The following HS3ST4 variants were observed in gnomAD, a reference collection of about 807,000 sequenced individuals.
The protein encoded by HS3ST4 is heparan sulfate-glucosamine 3-sulfotransferase 4, also known as heparan sulfate glucosamine 3-O-sulfotransferase 4.
HS3ST4 carries 17 observed loss-of-function variants against 29.2 expected under a neutral mutation model. The ratio of observed to expected loss-of-function variants is 0.58; its 90% CI spans 0.40 to 0.87. The LOEUF (loss-of-function observed/expected upper bound fraction) is 0.87, where lower values mean the gene tolerates loss of function less well. Ranked by LOEUF, HS3ST4 falls within the 40% of genes least tolerant of loss-of-function variation. HS3ST4 has a pLI of 0.00. For synonymous variants in HS3ST4, 314 were observed against 285.7 expected, an observed-to-expected ratio of 1.10 and a Z score of -1.00; for missense variants, 627 against 634.5, an observed-to-expected ratio of 0.99 and a Z score of 0.13.
intron 1 of HS3ST4, among the ~76,000 whole-genome samples, chr16:25,828,284 C>A (rs1967249488): frequency 1.1e-5 from 1 of 89,452 alleles, no homozygotes; most frequent in Non-Finnish European, 2.2e-5. Flanking sequence ...TTCTTTCTTT[C>A]TTTCTTTCTT....
intron 1 of HS3ST4, among the ~76,000 whole-genome samples, chr16:26,020,306 T>C (rs2141746286): frequency 6.6e-6 from 1 of 152,266 alleles, no homozygotes; most frequent in Middle Eastern, 3.4e-3. Flanking sequence ...GGGCCACAGC[T>C]CTTGCATCTA....
intron 1 of HS3ST4, among the ~76,000 whole-genome samples, chr16:25,787,497 C>T (rs1309334512): frequency 1.3e-5 from 2 of 152,226 alleles, no homozygotes; most frequent in African/African-American, 4.8e-5. Flanking sequence ...CTGCCTGACC[C>T]TTGTAGGGAT....
chr16:25,956,997 C>CAAAAAAA (rs11382105), intron 1 of HS3ST4, among the ~76,000 whole-genome samples: 1 of 77,824 alleles, frequency 1.3e-5, no homozygotes. Flanking sequence ...GACTCCGTCT[C>CAAAAAAA]AAAAAAAAAA....
At chr16:25,849,520 G>A (rs1211845788) in intron 1 of HS3ST4, among the ~76,000 whole-genome samples, 1 of 151,808 alleles carries the variant, frequency 6.6e-6, no homozygotes, top group Non-Finnish European at 1.5e-5. Flanking sequence ...TTATTTTTCA[G>A]ACAGGGGCTC....
chr16:25,943,401 C>T (rs2141693336), intron 1 of HS3ST4, among the ~76,000 whole-genome samples: 1 of 152,126 alleles, frequency 6.6e-6, no homozygotes, highest in African/African-American at 2.4e-5. Context: ...AGTGCTTAAC[C>T]ACTATGTAAA....
chr16:25,811,804 T>C (rs1256871393), intron 1 of HS3ST4, among the ~76,000 whole-genome samples: 1 of 152,236 alleles, frequency 6.6e-6, no homozygotes, highest in African/African-American at 2.4e-5. Flanking sequence ...CATACATGTG[T>C]TAATCAACCG....
chr16:25,815,676 A>C (rs1967086452), intron 1 of HS3ST4, among the ~76,000 whole-genome samples: 1 of 152,190 alleles, frequency 6.6e-6, no homozygotes, highest in Non-Finnish European at 1.5e-5. Context: ...GAACCCTCCT[A>C]GGGCCTTGGA....
intron 1 of HS3ST4, among the ~76,000 whole-genome samples, chr16:25,902,494 G>C (rs1277087479): frequency 1.3e-5 from 2 of 151,680 alleles, no homozygotes; most frequent in African/African-American, 4.8e-5. Context: ...TCAAAAAAAA[G>C]AAAATAAAAA....
intron 1 of HS3ST4, among the ~76,000 whole-genome samples, chr16:25,937,709 C>T (rs1968530550): frequency 6.6e-6 from 1 of 152,162 alleles, no homozygotes; most frequent in Non-Finnish European, 1.5e-5. Context: ...AAGCTTATCA[C>T]AGCTTATGAT....
intron 1 of HS3ST4, among the ~76,000 whole-genome samples, chr16:25,988,676 A>G (rs1449399481): frequency 1.3e-5 from 2 of 152,160 alleles, no homozygotes; most frequent in Admixed American, 6.5e-5. Flanking sequence ...ACACATGGAC[A>G]TAGAGGGGAA....
chr16:25,942,902 G>A (rs1397881244), intron 1 of HS3ST4, among the ~76,000 whole-genome samples: 1 of 152,154 alleles, frequency 6.6e-6, no homozygotes, highest in East Asian at 1.9e-4. Context: ...GATTACAGGT[G>A]CAAGCCACCA....
intron 1 of HS3ST4, among the ~76,000 whole-genome samples, chr16:25,745,812 A>T (rs950771651): frequency 9.2e-5 from 14 of 152,196 alleles, no homozygotes; most frequent in Non-Finnish European, 2.1e-4. Flanking sequence ...ACCAATCTAC[A>T]TGTTTTGGAT....
At chr16:26,121,502 C>G (rs747534865) in intron 1 of HS3ST4, among the ~76,000 whole-genome samples, 3 of 152,126 alleles carry the variant, frequency 2.0e-5, no homozygotes, top group Non-Finnish European at 4.4e-5. Flanking sequence ...AGGACTCAGA[C>G]CCATAGAAGG....
At chr16:25,897,690 C>G (rs868832401) in intron 1 of HS3ST4, among the ~76,000 whole-genome samples, 1 of 152,046 alleles carries the variant, frequency 6.6e-6, no homozygotes, top group African/African-American at 2.4e-5. Flanking sequence ...AGCTTCCTCT[C>G]TCTCCCCCTT....
chr16:25,807,650 CTA>C (rs1477030105), intron 1 of HS3ST4, among the ~76,000 whole-genome samples: 1 of 152,100 alleles, frequency 6.6e-6, no homozygotes, highest in Non-Finnish European at 1.5e-5. Flanking sequence ...ACATAAATTT[CTA>C]TGTTTTTTCT....
chr16:25,943,778 C>T (rs1027478420), intron 1 of HS3ST4, among the ~76,000 whole-genome samples: 1 of 152,116 alleles, frequency 6.6e-6, no homozygotes, highest in Non-Finnish European at 1.5e-5. Context: ...TTTTCATGAG[C>T]AGTCTTATTT....
rs895064764 is a variant in HS3ST4 at position 25,911,500 on chromosome 16, T to G, written c.734+218349T>G. ...GAGGTGGTGTTCCGTTGTGTGGTTT[T>G]TTTTTTTTTTTTTTTTTTTTTTTTG... On this transcript the variant is annotated intron_variant, in intron 1 of 1. Coordinates refer to ENST00000331351, the MANE Select transcript of HS3ST4 (RefSeq NM_006040.3). 2.3e-3 allele frequency among the ~76,000 whole-genome samples: 148 copies of G among 65,686 alleles called. No homozygotes were observed. In the Middle Eastern group the frequency reaches 0.026, roughly 12 times the overall value. 43.1% of individuals were successfully genotyped at this position (65,686 alleles called of 152,430 possible).
At chr16:26,135,081 T>C (rs1302415836) in intron 1 of HS3ST4, among the ~76,000 whole-genome samples, 1 of 152,176 alleles carries the variant, frequency 6.6e-6, no homozygotes, top group Non-Finnish European at 1.5e-5. Flanking sequence ...TAGACGAAAA[T>C]AGGAGGCAGG....
chr16:25,773,024 A>G (rs963152315), intron 1 of HS3ST4, among the ~76,000 whole-genome samples: 1 of 152,194 alleles, frequency 6.6e-6, no homozygotes, highest in African/African-American at 2.4e-5. Context: ...CAGATTCTCT[A>G]TTAGGAAAAA....
Sources: gnomAD v4.1 joint callset for allele counts (sites outside exome capture counted in the v4.1 genomes callset) on GRCh38, gnomAD v4.1.1 for gene constraint, MANE v1.5 for transcripts, NCBI Gene and HGNC (gene_info 2026-07-23, HGNC 2026-07-21) for gene names.